The following PDZRN4 variants were observed in gnomAD, a reference collection of about 807,000 sequenced individuals.
PDZRN4 encodes PDZ domain-containing RING finger protein 4.
PDZRN4 carries 70 observed loss-of-function variants against 99.0 expected under a neutral mutation model. The ratio of observed to expected loss-of-function variants is 0.71; its 90% CI spans 0.58 to 0.86. The LOEUF (loss-of-function observed/expected upper bound fraction) is 0.86. PDZRN4 is among the 40% of genes least tolerant of loss of function. PDZRN4 has a pLI of 0.00. For missense variants in PDZRN4, 1,474 were observed against 1,331.2 expected (o/e 1.11, Z -1.67); for synonymous variants, 551 against 501.6 (o/e 1.10, Z -1.32).
chr12:41,305,388 T>A (rs1951562186), intron 3 of PDZRN4, among the ~76,000 whole-genome samples: 1 of 152,180 alleles, frequency 6.6e-6, no homozygotes, highest in South Asian at 2.1e-4. Context: ...TAAGTACTAT[T>A]AAGTGTTAGT....
intron 3 of PDZRN4, among the ~76,000 whole-genome samples, chr12:41,454,395 G>A (rs1287037620): frequency 6.6e-6 from 1 of 152,192 alleles, no homozygotes; most frequent in Non-Finnish European, 1.5e-5. Flanking sequence ...TTTCTTAGGA[G>A]ACATGGTAGA....
At chr12:41,410,183 A>T (rs1437369033) in intron 3 of PDZRN4, among the ~76,000 whole-genome samples, 1 of 152,090 alleles carries the variant, frequency 6.6e-6, no homozygotes. Context: ...AGCATATATG[A>T]TTTCTCCCAG....
At chr12:41,383,568 G>C (rs554040459) in intron 3 of PDZRN4, among the ~76,000 whole-genome samples, 7 of 152,268 alleles carry the variant, frequency 4.6e-5, no homozygotes, top group African/African-American at 1.7e-4. Flanking sequence ...TTCTCCTGCA[G>C]AATCAGTTAG....
At chr12:41,518,738 G>T (rs1219861491) in intron 5 of PDZRN4, among the ~76,000 whole-genome samples, 1 of 151,964 alleles carries the variant, frequency 6.6e-6, no homozygotes, top group African/African-American at 2.4e-5. Context: ...CATGGCTTGA[G>T]GCCAGGAGTT....
chr12:41,419,754 A>G (rs1199500216), intron 3 of PDZRN4, among the ~76,000 whole-genome samples: 1 of 152,170 alleles, frequency 6.6e-6, no homozygotes, highest in Non-Finnish European at 1.5e-5. Flanking sequence ...ATAAGAGTCT[A>G]TATCGGTTCA....
At chr12:41,511,697 G>T (rs1169275386) in intron 5 of PDZRN4, among the ~76,000 whole-genome samples, 1 of 152,144 alleles carries the variant, frequency 6.6e-6, no homozygotes, top group Non-Finnish European at 1.5e-5. Flanking sequence ...TAATGGTTCT[G>T]CCCAGTACTC....
chr12:41,483,253 A>G (rs1003937430), intron 3 of PDZRN4, among the ~76,000 whole-genome samples: 1 of 152,172 alleles, frequency 6.6e-6, no homozygotes. Context: ...AGGTTATCAA[A>G]AAGTAGCAAT....
intron 3 of PDZRN4, among the ~76,000 whole-genome samples, chr12:41,407,162 A>G: frequency 6.6e-6 from 1 of 152,198 alleles, no homozygotes; most frequent in East Asian, 1.9e-4. Flanking sequence ...TACAAGGTTC[A>G]GCCCTTGGCA....
rs566523818 is a variant in PDZRN4, at chr12:41,198,427, C to G, written c.843+4239C>G. On this transcript the variant is annotated intron_variant, in intron 3 of 9. Coordinates refer to ENST00000402685, the MANE Select transcript of PDZRN4 (RefSeq NM_001164595.2). The stretch of plus-strand genomic sequence containing the variant: ...TGGAGACCAGAGTGGGGCTGAAGGT[C>G]TGTGGAATCTTTGAGATGAATAGCT... 1.3e-3 allele frequency among the ~76,000 whole-genome samples: 201 copies of G among 152,174 alleles called. 1 individual carries two copies. The highest frequency in any genetic ancestry group is 4.9e-3 in the Admixed American group (75 of 15,288).
At chr12:41,552,546 A>C in intron 5 of PDZRN4, 110 bp from the exon 6 acceptor site, 1 of 693,554 alleles carries the variant, frequency 1.4e-6, no homozygotes, top group Non-Finnish European at 2.4e-6. Flanking sequence ...AATGTTGGGC[A>C]ATAATTATTA....
chr12:41,447,827 A>T (rs754723369), intron 3 of PDZRN4, among the ~76,000 whole-genome samples: 7 of 152,120 alleles, frequency 4.6e-5, no homozygotes, highest in Non-Finnish European at 8.8e-5. Context: ...ATATTTATCC[A>T]CTGAACTTAC....
chr12:41,394,424 A>T (rs1411703270), intron 3 of PDZRN4, among the ~76,000 whole-genome samples: 2 of 152,208 alleles, frequency 1.3e-5, no homozygotes, highest in Non-Finnish European at 2.9e-5. Context: ...TCTACAAAAT[A>T]TACCTTCTAA....
At chr12:41,475,357 A>C (rs1953031297) in intron 3 of PDZRN4, among the ~76,000 whole-genome samples, 2 of 152,164 alleles carry the variant, frequency 1.3e-5, no homozygotes, top group African/African-American at 4.8e-5. Context: ...TGCAGCCTGT[A>C]AAATTGTAGG....
rs182830593 is a variant in PDZRN4, at chr12:41,307,039, G to T, written c.843+112851G>T. On this transcript the variant is annotated intron_variant, in intron 3 of 9. Coordinates refer to ENST00000402685, the MANE Select transcript of PDZRN4 (RefSeq NM_001164595.2). ...AATCACCTTTAATAATCCCTTTATGGCAACCCTGACATTTTCTATCATGCA... is the reference window on the plus strand; with the variant it reads ...AATCACCTTTAATAATCCCTTTATGTCAACCCTGACATTTTCTATCATGCA... 1.4e-3 allele frequency among the ~76,000 whole-genome samples: 218 copies of T among 151,844 alleles called. 1 individual carries two copies. Among genetic ancestry groups the T allele is most frequent in the African/African-American group, 4.4e-3 (184 of 41,400 alleles).
At chr12:41,556,899 CA>C in intron 7 of PDZRN4, among the ~76,000 whole-genome samples, 1 of 151,656 alleles carries the variant, frequency 6.6e-6, no homozygotes, top group South Asian at 2.1e-4. Context: ...CCTGTAATCC[CA>C]GCACTTTGGA....
chr12:41,310,878 G>A (rs546666009), intron 3 of PDZRN4, among the ~76,000 whole-genome samples: 13 of 152,070 alleles, frequency 8.5e-5, no homozygotes, highest in Middle Eastern at 3.4e-3. Flanking sequence ...TTGTATGTTC[G>A]TAAAGTTCAC....
chr12:41,268,116 A>T (rs3886484), intron 3 of PDZRN4, among the ~76,000 whole-genome samples: 5,435 of 152,060 alleles, frequency 0.036, 319 homozygotes, highest in African/African-American at 0.12. Context: ...CAAAAGAGGC[A>T]TTTTTTTTAT....
At chr12:41,444,183 C>T (rs1177425841) in intron 3 of PDZRN4, among the ~76,000 whole-genome samples, 1 of 152,060 alleles carries the variant, frequency 6.6e-6, no homozygotes, top group Non-Finnish European at 1.5e-5. Flanking sequence ...CTCTTTAGAA[C>T]AGACTTGCTC....
intron 7 of PDZRN4, among the ~76,000 whole-genome samples, chr12:41,557,648 C>A (rs755513156): frequency 1.3e-5 from 2 of 152,094 alleles, no homozygotes; most frequent in Non-Finnish European, 2.9e-5. Flanking sequence ...CTCCTCACCG[C>A]CTGTTCTTCC....
Sources: gnomAD v4.1 joint callset for allele counts (sites outside exome capture counted in the v4.1 genomes callset) on GRCh38, gnomAD v4.1.1 for gene constraint, MANE v1.5 for transcripts, NCBI Gene and HGNC (gene_info 2026-07-23, HGNC 2026-07-21) for gene names.